WDR70: variants seen among roughly 807,000 people sequenced by gnomAD.
The protein encoded by WDR70 is WD repeat domain 70, also known as WD repeat-containing protein 70.
A neutral mutation model predicts 88.6 loss-of-function variants in WDR70; 53 were observed. That is an observed-to-expected ratio of 0.60 (90% CI 0.48 to 0.75). The LOEUF (loss-of-function observed/expected upper bound fraction) is 0.75, where lower values mean the gene tolerates loss of function less well. Ranked by LOEUF, WDR70 falls within the 30% of genes least tolerant of loss-of-function variation. WDR70 has a pLI of 0.00. For missense variants in WDR70, 610 were observed against 823.2 expected (o/e 0.74, Z 3.17); for synonymous variants, 280 against 270.0 (o/e 1.04, Z -0.36).
intron 5 of WDR70, among the ~76,000 whole-genome samples, chr5:37,415,690 C>T (rs1180586708): frequency 4.6e-5 from 7 of 151,054 alleles, no homozygotes; most frequent in Admixed American, 6.6e-5. Context: ...TCCCGCCGGG[C>T]GGAGGGGCTC....
intron 8 of WDR70, among the ~76,000 whole-genome samples, chr5:37,499,587 T>TTCTCTCTCTCTCTCTC (rs72226896): frequency 2.0e-3 from 83 of 41,824 alleles, no homozygotes; most frequent in African/African-American, 4.8e-3. Flanking sequence ...TTTGGAAATA[T>TTCTCTCTCTCTCTCTC]TCTCTCTCTC....
intron 10 of WDR70, among the ~76,000 whole-genome samples, chr5:37,659,866 T>C (rs547353588): frequency 1.3e-5 from 2 of 152,268 alleles, no homozygotes; most frequent in African/African-American, 2.4e-5. Context: ...AGGCCTCACC[T>C]CCAATGCTAA....
At chr5:37,693,392 C>T (rs1428468032) in intron 10 of WDR70, among the ~76,000 whole-genome samples, 15 of 152,150 alleles carry the variant, frequency 9.9e-5, no homozygotes, top group East Asian at 5.8e-4. Context: ...AAAAAGAGCC[C>T]GCATTGCCAA....
At chr5:37,588,443 AC>A (rs1743426856) in intron 9 of WDR70, among the ~76,000 whole-genome samples, 1 of 151,998 alleles carries the variant, frequency 6.6e-6, no homozygotes, top group Non-Finnish European at 1.5e-5. Flanking sequence ...GAAAAAAGGA[AC>A]CCCATCACCT....
intron 10 of WDR70, among the ~76,000 whole-genome samples, chr5:37,660,557 A>G (rs1745674093): frequency 6.6e-6 from 1 of 150,574 alleles, no homozygotes; most frequent in South Asian, 2.1e-4. Context: ...ACATACCCTG[A>G]CTCCTGGTAA....
At chr5:37,506,110 G>A in intron 8 of WDR70, 1 of 1,157,122 alleles carries the variant, frequency 8.6e-7, no homozygotes, top group South Asian at 1.2e-5. Context: ...GCATGTGCAA[G>A]ATTGCAGCGG....
intron 17 of WDR70, among the ~76,000 whole-genome samples, 173 bp from the exon 18 acceptor site, chr5:37,752,313 A>G (rs1549252): frequency 0.79 from 120,473 of 152,156 alleles, 52,727 homozygotes; most frequent in East Asian, 1. Flanking sequence ...TTTCCTGAAC[A>G]TAATTAAATT....
At chr5:37,680,318 A>G (rs1176486020) in intron 10 of WDR70, among the ~76,000 whole-genome samples, 2 of 152,098 alleles carry the variant, frequency 1.3e-5, no homozygotes, top group Admixed American at 1.3e-4. Context: ...AGATGCATAG[A>G]TTGTAAAACA....
chr5:37,444,018 T>A (rs1308654581), intron 7 of WDR70, among the ~76,000 whole-genome samples: 1 of 150,334 alleles, frequency 6.7e-6, no homozygotes, highest in Non-Finnish European at 1.5e-5. Flanking sequence ...GCGTGGTGGC[T>A]CATGCCTGTA....
At position 37,424,127 on chromosome 5, in the gene WDR70, C is replaced by T. The variant is rs1411749384; in HGVS notation, c.493-13795C>T. On this transcript the variant is annotated intron_variant, in intron 5 of 17. Transcript: ENST00000265107. ...TCACGCCACTGCATTCCAGCCGTGGCGGCAGAGGGAGACTCCATCTCAAAA... is the reference window on the plus strand; with the variant it reads ...TCACGCCACTGCATTCCAGCCGTGGTGGCAGAGGGAGACTCCATCTCAAAA... Among the ~76,000 whole-genome samples, 27 of 106,414 alleles carry T rather than the reference C, an allele frequency of 2.5e-4. 1 individual carries two copies. Among genetic ancestry groups the T allele is most frequent in the African/African-American group, 7.6e-4 (21 of 27,720 alleles). The allele number at this position is 106,414 out of a possible 152,430, so 69.8% of individuals were successfully genotyped here.
chr5:37,399,095 G>A (rs1306843004), intron 5 of WDR70, among the ~76,000 whole-genome samples: 6 of 152,286 alleles, frequency 3.9e-5, no homozygotes, highest in East Asian at 1.9e-4. Flanking sequence ...TGGCTAACAC[G>A]GTGAAAACCC....
At chr5:37,519,452 C>T (rs1424765734) in intron 9 of WDR70, among the ~76,000 whole-genome samples, 7 of 149,088 alleles carry the variant, frequency 4.7e-5, no homozygotes, top group African/African-American at 1.7e-4. Flanking sequence ...CCCCACTTCC[C>T]AGATGATGGG....
intron 10 of WDR70, chr5:37,620,025 C>T (rs1392627684): frequency 6.7e-6 from 1 of 148,944 alleles, no homozygotes; most frequent in South Asian, 2.1e-4. Context: ...GTCATTCTTG[C>T]ACAGGGGCCA....
chr5:37,564,951 C>T (rs894867657), intron 9 of WDR70, among the ~76,000 whole-genome samples: 1 of 152,046 alleles, frequency 6.6e-6, no homozygotes, highest in Non-Finnish European at 1.5e-5. Flanking sequence ...ACCTTAAGTA[C>T]AGCTCATATT....
chr5:37,581,152 C>T (rs1743205895), intron 9 of WDR70, among the ~76,000 whole-genome samples: 1 of 152,058 alleles, frequency 6.6e-6, no homozygotes, highest in African/African-American at 2.4e-5. Context: ...AAACACTTTT[C>T]CCCAGGGACC....
intron 5 of WDR70, among the ~76,000 whole-genome samples, chr5:37,402,692 G>A (rs10037573): frequency 0.035 from 5,392 of 151,938 alleles, 330 homozygotes; most frequent in African/African-American, 0.12. Context: ...TATACAATAA[G>A]ATTATTGTTA....
intron 9 of WDR70, among the ~76,000 whole-genome samples, chr5:37,519,680 A>G (rs1338951351): frequency 6.7e-6 from 1 of 150,336 alleles, no homozygotes; most frequent in African/African-American, 2.5e-5. Flanking sequence ...CACTTCCCAG[A>G]CGATGGGCGG....
chr5:37,524,423 CA>C (rs1741193755), intron 9 of WDR70, among the ~76,000 whole-genome samples: 1 of 152,070 alleles, frequency 6.6e-6, no homozygotes, highest in African/African-American at 2.4e-5. Context: ...TACAGACAAG[CA>C]AATGCTGAGA....
chr5:37,693,771 A>T (rs1234073929), intron 10 of WDR70, among the ~76,000 whole-genome samples: 4 of 152,230 alleles, frequency 2.6e-5, no homozygotes. Context: ...AAACCTAGGC[A>T]ATATCATTCA....
Sources: allele counts gnomAD v4.1 joint callset (sites outside exome capture counted in the v4.1 genomes callset), GRCh38; gene constraint gnomAD v4.1.1; transcripts MANE v1.5; gene names NCBI Gene and HGNC (gene_info 2026-07-23, HGNC 2026-07-21).